NFIB: variants seen among roughly 807,000 people sequenced by gnomAD.
The protein encoded by NFIB is nuclear factor I B.
In NFIB, 11 loss-of-function variants were observed where a neutral mutation model predicts 61.5. The observed-to-expected ratio is 0.18, with a 90% CI of 0.11 to 0.30. The LOEUF is 0.30. Among genes scored for constraint, NFIB ranks in the 10% least tolerant of loss-of-function variants. The pLI, the probability that NFIB is intolerant of heterozygous loss-of-function variation, is 1.00. For synonymous variants in NFIB, 260 were observed against 216.5 expected (o/e 1.20, Z -1.76); for missense variants, 471 against 608.9 (o/e 0.77, Z 2.38).
intron 2 of NFIB, among the ~76,000 whole-genome samples, chr9:14,269,842 C>T (rs2057473087): frequency 6.6e-6 from 1 of 152,082 alleles, no homozygotes; most frequent in Non-Finnish European, 1.5e-5. Flanking sequence ...GGAGTTATGG[C>T]AAGCAAATTT....
the NFIB span, among the ~76,000 whole-genome samples, chr9:14,414,890 C>T: frequency 6.6e-6 from 1 of 152,308 alleles, no homozygotes; most frequent in East Asian, 1.9e-4. Flanking sequence ...GACTTCCCCA[C>T]ACACTGTCAG....
chr9:14,424,360 G>C, the NFIB span, among the ~76,000 whole-genome samples: 1 of 152,094 alleles, frequency 6.6e-6, no homozygotes, highest in African/African-American at 2.4e-5. Flanking sequence ...AGTGTTCGAG[G>C]GTCAAATAAG....
rs118106412 is a variant in NFIB, at chr9:14,381,484, C to G, written c.108+17040G>C. 4.9e-4 allele frequency among the ~76,000 whole-genome samples: 74 copies of G among 152,342 alleles called. 1 individual carries two copies. The East Asian group carries it at 0.01, about 21-fold the overall frequency. On this transcript the variant is annotated intron_variant, in intron 1 of 8. Coordinates refer to the NFIB transcript ENST00000380934. ...AGGATTACAGGTGTGAGCCACCACA[C>G]TTGCCTGAAAAGCATTTTCTAAACT... is the stretch of plus-strand genomic sequence containing the variant.
At chr9:14,470,797 G>A in the NFIB span, among the ~76,000 whole-genome samples, 9 of 152,164 alleles carry the variant, frequency 5.9e-5, no homozygotes, top group African/African-American at 1.9e-4. Flanking sequence ...CCAGGGGAAC[G>A]GAACCCAGAC....
At chr9:14,285,986 C>T (rs1014486857) in intron 2 of NFIB, among the ~76,000 whole-genome samples, 2 of 151,142 alleles carry the variant, frequency 1.3e-5, no homozygotes, top group Non-Finnish European at 2.9e-5. Flanking sequence ...CTCCTGATTT[C>T]CAACTTTTTG....
chr9:14,294,193 T>G (rs1323392707), intron 2 of NFIB, among the ~76,000 whole-genome samples: 1 of 152,250 alleles, frequency 6.6e-6, no homozygotes, highest in East Asian at 1.9e-4. Context: ...AGACCAGTGA[T>G]CCTCATATTA....
At chr9:14,527,561 C>A in the NFIB span, among the ~76,000 whole-genome samples, 1 of 152,108 alleles carries the variant, frequency 6.6e-6, no homozygotes, top group Non-Finnish European at 1.5e-5. Context: ...GTCGATCACC[C>A]CCCTCCATAA....
chr9:14,204,868 C>A, intron 2 of NFIB: 1 of 399,578 alleles, frequency 2.5e-6, no homozygotes. Flanking sequence ...TACAGGTTAA[C>A]TCAGAAGACA....
At chr9:14,169,509 GA>G (rs1457772484) in intron 3 of NFIB, among the ~76,000 whole-genome samples, 1 of 152,118 alleles carries the variant, frequency 6.6e-6, no homozygotes, top group Non-Finnish European at 1.5e-5. Context: ...TATGATCAAT[GA>G]CATTATCAAG....
At chr9:14,148,745 T>C (rs1263189792) in intron 5 of NFIB, among the ~76,000 whole-genome samples, 4 of 152,198 alleles carry the variant, frequency 2.6e-5, no homozygotes, top group African/African-American at 9.6e-5. Flanking sequence ...TGAGTACATT[T>C]GTAGATACTC....
the NFIB span, among the ~76,000 whole-genome samples, chr9:14,473,726 T>C: frequency 5.9e-5 from 9 of 152,238 alleles, no homozygotes; most frequent in Admixed American, 5.2e-4. Flanking sequence ...ACTCCAATAG[T>C]ATTACACACA....
the NFIB span, among the ~76,000 whole-genome samples, chr9:14,518,039 T>C: frequency 6.6e-6 from 1 of 152,346 alleles, no homozygotes; most frequent in South Asian, 2.1e-4. Context: ...GCCTGCCTTG[T>C]TCATACAGCA....
In NFIB at chr9:14,313,144, C is replaced by T. The variant is rs1422203654; in HGVS notation, c.30+338G>A. On this transcript the variant is annotated intron_variant, in intron 1 of 10. Coordinates refer to ENST00000380953, the MANE Select transcript of NFIB (RefSeq NM_001190737.2). This position sits in a 1 kb window ranked among gnomAD's most constrained non-coding sequence, Gnocchi z 4.5. Reference sequence around the variant, plus strand: ...GCGAGCTGCTGAGAGGGGCTACGGGCACCCCGGGCGGGGATGCCGCACCAC... The same window carrying T: ...GCGAGCTGCTGAGAGGGGCTACGGGTACCCCGGGCGGGGATGCCGCACCAC... Among the ~76,000 whole-genome samples, 5 of 152,332 alleles carry T rather than the reference C, an allele frequency of 3.3e-5. No individual in the cohort carries two copies. The highest frequency in any genetic ancestry group is 3.4e-3 in the Middle Eastern group (1 of 294).
At chr9:14,338,401 A>C (rs150102784) in intron 1 of NFIB, among the ~76,000 whole-genome samples, 1 of 149,290 alleles carries the variant, frequency 6.7e-6, no homozygotes, top group Non-Finnish European at 1.5e-5. Context: ...CTCAAAAAAA[A>C]AAAAGAAAAG....
intron 2 of NFIB, among the ~76,000 whole-genome samples, chr9:14,234,712 TTTTAA>T (rs2053564682): frequency 1.3e-5 from 2 of 152,276 alleles, no homozygotes; most frequent in African/African-American, 4.8e-5. Context: ...ACTAGCATAT[TTTTAA>T]TTTAATTTAC....
At chr9:14,226,611 G>C (rs1318345837) in intron 2 of NFIB, among the ~76,000 whole-genome samples, 2 of 150,412 alleles carry the variant, frequency 1.3e-5, no homozygotes, top group Non-Finnish European at 2.9e-5. Context: ...CTTCTTATGA[G>C]CTTTATTAAT....
At chr9:14,520,670 A>T in the NFIB span, among the ~76,000 whole-genome samples, 1 of 152,242 alleles carries the variant, frequency 6.6e-6, no homozygotes, top group African/African-American at 2.4e-5. Flanking sequence ...GAACTTTTGC[A>T]TTCACTCAGT....
chr9:14,332,197 G>A (rs902935332), intron 1 of NFIB, among the ~76,000 whole-genome samples: 12 of 151,830 alleles, frequency 7.9e-5, no homozygotes, highest in African/African-American at 2.4e-4. Context: ...ACTGGGCGTC[G>A]TGGTGGGCGC....
At chr9:14,520,925 T>G in the NFIB span, among the ~76,000 whole-genome samples, 2 of 152,162 alleles carry the variant, frequency 1.3e-5, no homozygotes, top group African/African-American at 4.8e-5. Flanking sequence ...AAAAAAGTAG[T>G]CAGGACTCAG....
Sources: gnomAD v4.1 joint callset for allele counts (sites outside exome capture counted in the v4.1 genomes callset) on GRCh38, gnomAD v4.1.1 for gene constraint, Gnocchi (gnomAD v3.1) non-coding constraint, MANE v1.5 for transcripts, NCBI Gene and HGNC (gene_info 2026-07-23, HGNC 2026-07-21) for gene names.